Variants in FYB1 observed in about 807,000 individuals in gnomAD.
FYB1 encodes FYN-binding protein 1.
FYB1 carries 41 observed loss-of-function variants against 94.1 expected under a neutral mutation model. That is an observed-to-expected ratio of 0.44 (90% CI 0.34 to 0.57). The LOEUF (loss-of-function observed/expected upper bound fraction) is 0.57. Among genes scored for constraint, FYB1 ranks in the 20% least tolerant of loss-of-function variants. The probability of loss-of-function intolerance (pLI) is 0.02; values close to 1 mark genes in which losing one functional copy is unlikely to be tolerated. For synonymous variants in FYB1, 367 were observed against 353.2 expected (o/e 1.04, Z -0.44); for missense variants, 1,050 against 976.8 (o/e 1.07, Z -1.00).
intron 1 of FYB1, among the ~76,000 whole-genome samples, chr5:39,241,687 C>T (rs2150588437): frequency 6.6e-6 from 1 of 152,238 alleles, no homozygotes; most frequent in South Asian, 2.1e-4. Context: ...GTGTCCTGCA[C>T]AACCGTAAGA....
intron 2 of FYB1, among the ~76,000 whole-genome samples, chr5:39,189,937 A>G (rs747082168): frequency 6.6e-6 from 1 of 152,254 alleles, no homozygotes; most frequent in Non-Finnish European, 1.5e-5. Flanking sequence ...TAGAAGAAGC[A>G]GGAGCCGGAA....
chr5:39,129,296 A>G (rs1740969701), intron 10 of FYB1, among the ~76,000 whole-genome samples: 2 of 152,100 alleles, frequency 1.3e-5, no homozygotes, highest in African/African-American at 4.8e-5. Flanking sequence ...CTCACCATAT[A>G]TAAAAATCAA....
intron 1 of FYB1, among the ~76,000 whole-genome samples, chr5:39,225,129 T>C (rs1750417010): frequency 6.6e-6 from 1 of 152,176 alleles, no homozygotes; most frequent in Admixed American, 6.5e-5. Flanking sequence ...AGAAGAGTGG[T>C]CACTGAAGAT....
At chr5:39,261,368 A>ACACT (rs1216679633) in intron 1 of FYB1, among the ~76,000 whole-genome samples, 1 of 150,724 alleles carries the variant, frequency 6.6e-6, no homozygotes, top group Admixed American at 6.6e-5. Flanking sequence ...ACACACACAC[A>ACACT]CACAAAGAAA....
chr5:39,159,305 T>C (rs1744036823), intron 2 of FYB1, among the ~76,000 whole-genome samples: 1 of 152,174 alleles, frequency 6.6e-6, no homozygotes, highest in Non-Finnish European at 1.5e-5. Context: ...TACATAGCAT[T>C]TCCCATTCAA....
At chr5:39,268,970 T>C (rs1752554396) in intron 1 of FYB1, among the ~76,000 whole-genome samples, 1 of 152,224 alleles carries the variant, frequency 6.6e-6, no homozygotes, top group Non-Finnish European at 1.5e-5. Flanking sequence ...CCTGCTGTTA[T>C]CTTGTTTTGC....
At chr5:39,174,539 T>C (rs1745531570) in intron 2 of FYB1, among the ~76,000 whole-genome samples, 1 of 152,168 alleles carries the variant, frequency 6.6e-6, no homozygotes, top group African/African-American at 2.4e-5. Context: ...TGACATAGCA[T>C]AAGGAAACCC....
intron 9 of FYB1, among the ~76,000 whole-genome samples, chr5:39,132,013 T>C (rs1741244274): frequency 6.6e-6 from 1 of 152,222 alleles, no homozygotes; most frequent in Non-Finnish European, 1.5e-5. Flanking sequence ...GAAGGTTTAC[T>C]ATGAAATGGT....
intron 1 of FYB1, among the ~76,000 whole-genome samples, chr5:39,240,979 A>G (rs1285824932): frequency 6.6e-6 from 1 of 152,208 alleles, no homozygotes; most frequent in African/African-American, 2.4e-5. Context: ...ATGGAATACT[A>G]TGCAGCCATA....
At chr5:39,248,601 G>A (rs776519737) in intron 1 of FYB1, among the ~76,000 whole-genome samples, 16 of 152,276 alleles carry the variant, frequency 1.1e-4, no homozygotes, top group Non-Finnish European at 2.1e-4. Flanking sequence ...CACTTTGGGC[G>A]GCTGAGGTGG....
At chr5:39,153,888 C>A (rs1170776853) in intron 2 of FYB1, among the ~76,000 whole-genome samples, 1 of 152,112 alleles carries the variant, frequency 6.6e-6, no homozygotes, top group African/African-American at 2.4e-5. Flanking sequence ...ATCTTCCTGC[C>A]TCAGCCTCCT....
At chr5:39,167,170 T>A (rs1484004121) in intron 2 of FYB1, among the ~76,000 whole-genome samples, 2 of 151,724 alleles carry the variant, frequency 1.3e-5, no homozygotes, top group African/African-American at 2.4e-5. Context: ...CACAAAGAAG[T>A]AGTGGGGCAC....
chr5:39,211,004 A>C (rs1749316815), intron 1 of FYB1: 1 of 152,140 alleles, frequency 6.6e-6, no homozygotes, highest in Non-Finnish European at 1.5e-5. Context: ...TGGTCCTAAA[A>C]CCACTTATTT....
chr5:39,237,516 C>G (rs1436671630), intron 1 of FYB1, among the ~76,000 whole-genome samples: 2 of 151,846 alleles, frequency 1.3e-5, no homozygotes. Context: ...TTTTTGCTTA[C>G]TCAATCAATA....
chr5:39,188,358 G>A (rs1747033350), intron 2 of FYB1, among the ~76,000 whole-genome samples: 1 of 151,944 alleles, frequency 6.6e-6, no homozygotes, highest in African/African-American at 2.4e-5. Flanking sequence ...TGCATGTTTT[G>A]ATGTAATCAC....
intron 2 of FYB1, among the ~76,000 whole-genome samples, chr5:39,200,539 T>A (rs1233167903): frequency 6.6e-6 from 1 of 152,126 alleles, no homozygotes; most frequent in Admixed American, 6.5e-5. Context: ...AAATAATAGT[T>A]CTGAATTATG....
chr5:39,176,578 T>C (rs1745755724), intron 2 of FYB1, among the ~76,000 whole-genome samples: 1 of 152,206 alleles, frequency 6.6e-6, no homozygotes, highest in Admixed American at 6.5e-5. Context: ...CCTGCAACTT[T>C]GGATGATCAT....
chr5:39,161,158 T>A (rs1407400085), intron 2 of FYB1, among the ~76,000 whole-genome samples: 5 of 91,278 alleles, frequency 5.5e-5, no homozygotes, highest in Admixed American at 1.4e-4. Context: ...TTATTCATTT[T>A]CTTCCTAGCT....
At chr5:39,210,929 G>A (rs1304805476) in intron 1 of FYB1, 1 of 152,198 alleles carries the variant, frequency 6.6e-6, no homozygotes, top group Non-Finnish European at 1.5e-5. Context: ...AGTTCTTGAT[G>A]TGGATAGAAT....
Sources: allele counts gnomAD v4.1 joint callset (sites outside exome capture counted in the v4.1 genomes callset), GRCh38; gene constraint gnomAD v4.1.1; transcripts MANE v1.5; gene names NCBI Gene and HGNC (gene_info 2026-07-23, HGNC 2026-07-21).